Variants in YWHAZ observed in about 807,000 individuals in gnomAD.
YWHAZ encodes tyrosine 3-monooxygenase/tryptophan 5-monooxygenase activation protein zeta.
For missense variants in YWHAZ, 79 were observed against 284.8 expected (o/e 0.28, Z 5.20); for synonymous variants, 87 against 103.6 (o/e 0.84, Z 0.97).
Position 100,917,544 on chromosome 8 carries a change from CCTCT to C in YWHAZ, c.*3145_*3148del, listed in dbSNP as rs753074916. ...ACCATCATGGCTAACACGGTGAAACCCTCTCTCTACTAAAAATACAAATAATTAG... is the reference window on the plus strand; with the variant it reads ...ACCATCATGGCTAACACGGTGAAACCCTCTACTAAAAATACAAATAATTAG... On this transcript the variant is annotated 3_prime_UTR_variant, in exon 6 of 6. Transcript: ENST00000395958. The C allele has an allele frequency of 2.6e-5, 4 of 152,060 alleles. No individual in the cohort carries two copies. The highest frequency in any genetic ancestry group is 7.3e-5 in the African/African-American group (3 of 41,362). 9.4% of individuals were successfully genotyped at this position (152,060 alleles called of 1,614,324 possible). A position where few individuals can be genotyped will look rare whatever the true frequency, so the allele number is the denominator to read the frequency against.
chr8:100,947,235 C>CA (rs1179336807), intron 2 of YWHAZ, among the ~76,000 whole-genome samples: 13 of 139,174 alleles, frequency 9.3e-5, no homozygotes, highest in African/African-American at 3.6e-4. Context: ...GCCTGGGCAA[C>CA]AGAGCAAGAC....
Position 100,950,359 on chromosome 8 carries a change from C to T in YWHAZ, c.-11-1459G>A, listed in dbSNP as rs552708217. 12 of 985,162 alleles carry T rather than the reference C, an allele frequency of 1.2e-5. No individual in the cohort carries two copies. In the East Asian group the frequency reaches 9.1e-4, roughly 75 times the overall value. The allele number at this position is 985,162 out of a possible 1,614,324, so 61.0% of individuals were successfully genotyped here. ...CACAGTAACGAGTGCTCCAAGGCCT[C>T]GCCTCTACACTGCGGGCAGGACTCA... On this transcript the variant is annotated intron_variant, in intron 1 of 5. Transcript: ENST00000395958.
At chr8:100,930,005 G>A (rs1586105193) in intron 2 of YWHAZ, among the ~76,000 whole-genome samples, 2 of 152,288 alleles carry the variant, frequency 1.3e-5, no homozygotes, top group Middle Eastern at 3.4e-3. Flanking sequence ...ACCTACAATA[G>A]TACAATGAAA....
chr8:100,920,891 G>A (rs1812977262), intron 5 of YWHAZ, 139 bp from the exon 6 acceptor site: 2 of 747,002 alleles, frequency 2.7e-6, no homozygotes, highest in Non-Finnish European at 4.5e-6. Flanking sequence ...TTAGCTTCAA[G>A]ATACAAAAAC....
intron 2 of YWHAZ, among the ~76,000 whole-genome samples, chr8:100,939,027 T>C (rs968596730): frequency 4.6e-5 from 7 of 152,248 alleles, no homozygotes; most frequent in South Asian, 2.1e-4. Context: ...CATTAATAGA[T>C]GGCAAATCTG....
At chr8:100,937,738 TACAC>T (rs980160766) in intron 2 of YWHAZ, among the ~76,000 whole-genome samples, 1 of 152,134 alleles carries the variant, frequency 6.6e-6, no homozygotes, top group African/African-American at 2.4e-5. Context: ...ATACAAAGCA[TACAC>T]ACACCAGAAG....
chr8:100,942,558 C>T (rs1809950936), intron 2 of YWHAZ, among the ~76,000 whole-genome samples: 1 of 152,138 alleles, frequency 6.6e-6, no homozygotes, highest in South Asian at 2.1e-4. Context: ...TTTACAAATA[C>T]ACAAATGTTT....
At chr8:100,937,175 CTCTT>C (rs759080266) in intron 2 of YWHAZ, among the ~76,000 whole-genome samples, 3 of 152,094 alleles carry the variant, frequency 2.0e-5, no homozygotes, top group Non-Finnish European at 4.4e-5. Context: ...TTTTTCCAAC[CTCTT>C]TCTAAATCTG....
intron 2 of YWHAZ, among the ~76,000 whole-genome samples, chr8:100,933,051 G>C (rs1478034644): frequency 6.6e-6 from 1 of 152,096 alleles, no homozygotes; most frequent in Non-Finnish European, 1.5e-5. Context: ...AGTATTAACA[G>C]TATTTGCCAT....
chr8:100,923,878 T>TAA, intron 5 of YWHAZ, 77 bp downstream of exon 5: 58 of 1,025,140 alleles, frequency 5.7e-5, no homozygotes, highest in Middle Eastern at 7.3e-4. Context: ...ATGTATTTAA[T>TAA]AAAAAAAAAA....
intron 2 of YWHAZ, among the ~76,000 whole-genome samples, chr8:100,943,577 C>A (rs775965167): frequency 6.6e-5 from 10 of 152,224 alleles, no homozygotes; most frequent in Admixed American, 1.3e-4. Context: ...CCTTTCCATT[C>A]CCTTTCCTTT....
rs1810434031 is a variant in YWHAZ, at chr8:100,948,007, A to C, written c.294+589T>G. The C allele has an allele frequency of 8.3e-7, 1 of 1,201,168 alleles. No individual in the cohort carries two copies. Among genetic ancestry groups the C allele is most frequent in the African/African-American group, 1.5e-5 (1 of 65,796 alleles). The allele number at this position is 1,201,168 out of a possible 1,614,324, so 74.4% of individuals were successfully genotyped here. A position where few individuals can be genotyped will look rare whatever the true frequency, so the allele number is the denominator to read the frequency against. ...AAGTACTGAATACTTAAAATACTCGATTCAAACTGGAAAATCAAGCTTGAG... is the reference window on the plus strand; with the variant it reads ...AAGTACTGAATACTTAAAATACTCGCTTCAAACTGGAAAATCAAGCTTGAG... On this transcript the variant is annotated intron_variant, in intron 2 of 5. Transcript: ENST00000395958. This position sits in a 1 kb window ranked among gnomAD's most constrained non-coding sequence, Gnocchi z 4.2.
chr8:100,946,814 T>C (rs1354895591), intron 2 of YWHAZ, among the ~76,000 whole-genome samples: 1 of 146,288 alleles, frequency 6.8e-6, no homozygotes, highest in Non-Finnish European at 1.5e-5. Flanking sequence ...TCAGGTGTAA[T>C]AATTGGGAAA....
chr8:100,931,982 A>C (rs1813796011), intron 2 of YWHAZ: 2 of 152,226 alleles, frequency 1.3e-5, no homozygotes, highest in South Asian at 4.1e-4. Flanking sequence ...TCTCTTTTTA[A>C]ACAACAGACT....
At chr8:100,928,523 G>A (rs1813525059) in intron 2 of YWHAZ, among the ~76,000 whole-genome samples, 1 of 152,088 alleles carries the variant, frequency 6.6e-6, no homozygotes, top group South Asian at 2.1e-4. Context: ...CCTGAGGTCA[G>A]GAGTTCGAGA....
Position 100,951,728 on chromosome 8 carries a change from C to G in YWHAZ, c.-12+201G>C, listed in dbSNP as rs560398308. Reference sequence around the variant, plus strand: ...GGGGCGTCGATGCGGAAGCAAGGAGCCGGAGGCGGCCGCTAGCCGCCCTCC... The same window carrying G: ...GGGGCGTCGATGCGGAAGCAAGGAGGCGGAGGCGGCCGCTAGCCGCCCTCC... On this transcript the variant is annotated intron_variant, in intron 1 of 5. Coordinates refer to ENST00000395958, the MANE Select transcript of YWHAZ (RefSeq NM_145690.3). 10 of 985,418 alleles carry G rather than the reference C, an allele frequency of 1.0e-5. No individual in the cohort carries two copies. The South Asian group carries it at 4.7e-4, about 46-fold the overall frequency. The allele number at this position is 985,418 out of a possible 1,614,324, so 61.0% of individuals were successfully genotyped here.
intron 1 of YWHAZ, chr8:100,950,556 A>T (rs762814918): frequency 3.8e-5 from 37 of 985,326 alleles, no homozygotes; most frequent in Non-Finnish European, 4.3e-5. Context: ...CTCCTTTGTC[A>T]TGGCGGATCT....
intron 2 of YWHAZ, among the ~76,000 whole-genome samples, chr8:100,934,321 A>AT (rs1174482695): frequency 2.7e-5 from 3 of 109,096 alleles, no homozygotes; most frequent in African/African-American, 1.1e-4. Context: ...GGGAGACCCT[A>AT]TCTTTTTTTT....
At position 100,918,395 on chromosome 8, in the gene YWHAZ, AAATAT is replaced by A. The variant is rs1490171889; in HGVS notation, c.*2293_*2297del. The A allele has an allele frequency of 1.4e-5, 1 of 71,818 alleles. No homozygotes were observed. Among genetic ancestry groups the A allele is most frequent in the African/African-American group, 4.5e-5 (1 of 22,242 alleles). The allele number at this position is 71,818 out of a possible 1,614,324, so 4.4% of individuals were successfully genotyped here. A position where few individuals can be genotyped will look rare whatever the true frequency, so the allele number is the denominator to read the frequency against. On this transcript the variant is annotated 3_prime_UTR_variant, in exon 6 of 6. Transcript: ENST00000395958. ...TTCCCACCTCTTCAGTCTAGCTATA[AAATAT>A]AATTACTTTATATATATATATATAT... is the stretch of plus-strand genomic sequence containing the variant.
Sources: allele counts gnomAD v4.1 joint callset (sites outside exome capture counted in the v4.1 genomes callset), GRCh38; gene constraint gnomAD v4.1.1; non-coding constraint Gnocchi (gnomAD v3.1); transcripts MANE v1.5; gene names NCBI Gene and HGNC (gene_info 2026-07-23, HGNC 2026-07-21).